The following NDST4 variants were observed in gnomAD, a reference collection of about 807,000 sequenced individuals.
NDST4 encodes the protein N-deacetylase and N-sulfotransferase 4, also known as N-heparan sulfate sulfotransferase 4.
NDST4 carries 63 observed loss-of-function variants against 100.8 expected under a neutral mutation model. The ratio of observed to expected loss-of-function variants is 0.62; its 90% confidence interval spans 0.51 to 0.77. The LOEUF (loss-of-function observed/expected upper bound fraction) is 0.77. Ranked by LOEUF, NDST4 falls within the 30% of genes least tolerant of loss-of-function variation. The pLI is 0.00. For synonymous variants in NDST4, 377 were observed against 361.8 expected, an observed-to-expected ratio of 1.04 and a Z score of -0.48; for missense variants, 943 against 1,018.4, an observed-to-expected ratio of 0.93 and a Z score of 1.01.
intron 4 of NDST4, among the ~76,000 whole-genome samples, chr4:114,937,877 G>T (rs1400243428): frequency 1.3e-5 from 2 of 148,154 alleles, no homozygotes; most frequent in Non-Finnish European, 3.0e-5. Context: ...GCGTGTGTAC[G>T]TGTGTGTGTG....
At chr4:115,021,378 T>C (rs9761733) in intron 2 of NDST4, among the ~76,000 whole-genome samples, 28 of 148,742 alleles carry the variant, frequency 1.9e-4, no homozygotes, top group African/African-American at 7.3e-4. Flanking sequence ...TCCATATATA[T>C]ATTCCATATA....
At chr4:114,911,445 C>A (rs1725060079) in intron 6 of NDST4, among the ~76,000 whole-genome samples, 1 of 152,148 alleles carries the variant, frequency 6.6e-6, no homozygotes, top group African/African-American at 2.4e-5. Flanking sequence ...TATGTAACTC[C>A]CATTTATTGA....
intron 7 of NDST4, among the ~76,000 whole-genome samples, chr4:114,860,461 C>T (rs1723894960): frequency 6.6e-6 from 1 of 152,146 alleles, no homozygotes; most frequent in South Asian, 2.1e-4. Context: ...AATTTCAGTT[C>T]AATGGAAAGT....
chr4:114,909,032 A>G (rs970001019), intron 6 of NDST4, among the ~76,000 whole-genome samples: 2 of 152,264 alleles, frequency 1.3e-5, no homozygotes, highest in African/African-American at 2.4e-5. Flanking sequence ...TTTTTCTACT[A>G]CCTTGATATA....
intron 7 of NDST4, among the ~76,000 whole-genome samples, chr4:114,856,363 T>C (rs551348017): frequency 3.9e-5 from 6 of 152,130 alleles, no homozygotes; most frequent in Non-Finnish European, 7.4e-5. Context: ...GCCTGGCCAA[T>C]AAGCAAATTT....
chr4:114,997,663 T>G (rs1171011237), intron 2 of NDST4, among the ~76,000 whole-genome samples: 1 of 152,126 alleles, frequency 6.6e-6, no homozygotes, highest in Non-Finnish European at 1.5e-5. Flanking sequence ...GGGAAGGAAC[T>G]TTTATTTATC....
chr4:115,059,123 T>C (rs1475895370), intron 2 of NDST4, among the ~76,000 whole-genome samples: 3 of 151,918 alleles, frequency 2.0e-5, no homozygotes, highest in African/African-American at 7.2e-5. Flanking sequence ...AACTCCAAAA[T>C]GTAATAACTT....
At chr4:114,834,239 C>T (rs747520429) in intron 11 of NDST4, among the ~76,000 whole-genome samples, 5 of 152,048 alleles carry the variant, frequency 3.3e-5, no homozygotes, top group Non-Finnish European at 7.4e-5. Context: ...AAAGGCCGGG[C>T]GCAGTGGCTC....
chr4:114,952,841 A>G (rs1477125202), intron 4 of NDST4, among the ~76,000 whole-genome samples: 3 of 152,156 alleles, frequency 2.0e-5, no homozygotes, highest in East Asian at 3.9e-4. Flanking sequence ...TACACACCTC[A>G]ATTTTCCATG....
At chr4:114,857,442 A>ATTTG (rs1464583772) in intron 7 of NDST4, among the ~76,000 whole-genome samples, 11 of 152,294 alleles carry the variant, frequency 7.2e-5, no homozygotes, top group Middle Eastern at 3.4e-3. Context: ...CCACTTACAA[A>ATTTG]TAAGTGGCCC....
intron 9 of NDST4, among the ~76,000 whole-genome samples, chr4:114,846,199 C>T (rs1263002715): frequency 6.6e-6 from 1 of 152,054 alleles, no homozygotes; most frequent in Non-Finnish European, 1.5e-5. Context: ...CCATTTTGGG[C>T]ATGGGAAGGA....
Position 114,908,411 on chromosome 4 carries a change from A to G in NDST4, c.1536+26795T>C, listed in dbSNP as rs745602451. ...ACCAGAATAATATATACTTTTAAAC[A>G]TTTTAAATCATATCAGTCGAATTTA... On this transcript the variant is annotated intron_variant, in intron 6 of 13. Coordinates refer to ENST00000264363, the MANE Select transcript of NDST4 (RefSeq NM_022569.3). Among the ~76,000 whole-genome samples the G allele has an allele frequency of 4.6e-5, 7 of 152,168 alleles. No individual in the cohort carries two copies. In the South Asian group the frequency reaches 1.4e-3, roughly 32 times the overall value.
At chr4:115,047,612 T>C (rs568592114) in intron 2 of NDST4, among the ~76,000 whole-genome samples, 140 of 152,284 alleles carry the variant, frequency 9.2e-4, no homozygotes, top group African/African-American at 3.3e-3. Context: ...TTTAATGCTA[T>C]TACACAAAAT....
intron 2 of NDST4, among the ~76,000 whole-genome samples, chr4:114,988,355 T>TTTTTG (rs1207504702): frequency 1.6e-5 from 2 of 121,260 alleles, no homozygotes; most frequent in Non-Finnish European, 3.4e-5. Flanking sequence ...CACATATCTT[T>TTTTTG]TTTTTTTTTT....
At chr4:115,019,385 C>T (rs76744203) in intron 2 of NDST4, among the ~76,000 whole-genome samples, 2,279 of 152,142 alleles carry the variant, frequency 0.015, 66 homozygotes, top group African/African-American at 0.052. Context: ...GGACATACCC[C>T]AAAGAAAGAA....
intron 6 of NDST4, among the ~76,000 whole-genome samples, chr4:114,925,594 G>T (rs1725371448): frequency 6.6e-6 from 1 of 152,098 alleles, no homozygotes; most frequent in African/African-American, 2.4e-5. Context: ...AGCACACGGA[G>T]AAGTTTATCA....
At chr4:114,992,053 A>G (rs1483403108) in intron 2 of NDST4, among the ~76,000 whole-genome samples, 1 of 151,942 alleles carries the variant, frequency 6.6e-6, no homozygotes, top group Non-Finnish European at 1.5e-5. Flanking sequence ...CGGTTCCCAT[A>G]TACCGAATAC....
rs916170083 is a variant in NDST4 at position 115,036,310 on chromosome 4, T to C, written c.978+39749A>G. Among the ~76,000 whole-genome samples, 3 of 151,252 alleles carry C rather than the reference T, an allele frequency of 2.0e-5. No homozygotes were observed. The East Asian group carries it at 5.8e-4, about 29-fold the overall frequency. ...CTGTTCACCTCATTATTATTATAAC[T>C]AATCACTGGTTGTCATGGTTTACAG... On this transcript the variant is annotated intron_variant, in intron 2 of 13. Coordinates refer to ENST00000264363, the MANE Select transcript of NDST4 (RefSeq NM_022569.3).
chr4:114,971,368 AAAC>A (rs1366805126), intron 3 of NDST4, among the ~76,000 whole-genome samples: 1 of 152,114 alleles, frequency 6.6e-6, no homozygotes, highest in Non-Finnish European at 1.5e-5. Flanking sequence ...TAGGAAATAA[AAAC>A]AAAAAACATT....
Sources: allele counts gnomAD v4.1 joint callset (sites outside exome capture counted in the v4.1 genomes callset), GRCh38; gene constraint gnomAD v4.1.1; transcripts MANE v1.5; gene names NCBI Gene and HGNC (gene_info 2026-07-23, HGNC 2026-07-21).